The following ZDHHC15 variants were observed in gnomAD, a reference collection of about 807,000 sequenced individuals.
ZDHHC15 encodes palmitoyltransferase ZDHHC15.
ZDHHC15 carries 19 observed loss-of-function variants against 31.7 expected under a neutral mutation model. The observed-to-expected ratio is 0.60, with a 90% CI of 0.42 to 0.88. The LOEUF (loss-of-function observed/expected upper bound fraction) is 0.88, where lower values mean the gene tolerates loss of function less well. Among genes scored for constraint, ZDHHC15 ranks in the 40% least tolerant of loss-of-function variants. The pLI is 0.00. For missense variants in ZDHHC15, 209 were observed against 251.2 expected, an observed-to-expected ratio of 0.83 and a Z score of 1.14; for synonymous variants, 103 against 90.0, an observed-to-expected ratio of 1.14 and a Z score of -0.82.
chrX:75,485,414 T>C (rs1366401787), intron 2 of ZDHHC15, among the ~76,000 whole-genome samples: 1 of 111,315 alleles, frequency 9.0e-6, no homozygotes, highest in African/African-American at 3.3e-5. Context: ...GAAAGCTGTG[T>C]TGATAGGTAC....
At chrX:75,453,593 A>C (rs1369332981) in intron 3 of ZDHHC15, among the ~76,000 whole-genome samples, 1 of 111,546 alleles carries the variant, frequency 9.0e-6, no homozygotes, top group Non-Finnish European at 1.9e-5. Flanking sequence ...AAAAAAAGAG[A>C]CTTTTAGACC....
rs762132743 is a variant in ZDHHC15 at position 75,406,898 on chromosome X, AT to A, written c.967+10188del. Among the ~76,000 whole-genome samples the A allele has an allele frequency of 8.0e-5, 9 of 112,300 alleles. No individual in the cohort carries two copies. In the South Asian group the frequency reaches 3.0e-3, roughly 37 times the overall value. On this transcript the variant is annotated intron_variant, in intron 10 of 11. Coordinates refer to ENST00000373367, the MANE Select transcript of ZDHHC15 (RefSeq NM_144969.3). ...CAGTGAAAAAAGAAAACTCAGGCCA[AT>A]ATCACGGATGAACACAAAATGTTAA...
chrX:75,379,029 G>T (rs2083088116), intron 11 of ZDHHC15, 91 bp downstream of exon 11: 7 of 681,268 alleles, frequency 1.0e-5, no homozygotes, highest in Non-Finnish European at 1.6e-5. Flanking sequence ...TTTCACCCAG[G>T]ATAAGAACTT....
intron 2 of ZDHHC15, among the ~76,000 whole-genome samples, chrX:75,489,141 C>T (rs753310560): frequency 3.6e-5 from 4 of 112,134 alleles, no homozygotes; most frequent in Admixed American, 2.8e-4. Flanking sequence ...GGCCTGCCTG[C>T]CTCTGTAGAC....
rs748565213 is a variant in ZDHHC15, at chrX:75,371,897, AAAG to A, written c.*1078_*1080del. On this transcript the variant is annotated 3_prime_UTR_variant, in exon 12 of 12. Transcript: ENST00000373367. ...GGCTTAGCTACTACTGAAGCTAAAA[AAAG>A]AAGAAAGAACTGGCATATTACTATT... 1.8e-5 allele frequency: 2 copies of A among 112,006 alleles called. No homozygotes were observed. Among genetic ancestry groups the A allele is most frequent in the African/African-American group, 6.5e-5 (2 of 30,851 alleles). The allele number at this position is 112,006 out of a possible 1,213,427, so 9.2% of individuals were successfully genotyped here.
At chrX:75,475,103 T>G (rs1340206322) in intron 3 of ZDHHC15, among the ~76,000 whole-genome samples, 1 of 112,163 alleles carries the variant, frequency 8.9e-6, no homozygotes, top group African/African-American at 3.2e-5. Flanking sequence ...AAAAGTTTTT[T>G]GTTTAGCTGT....
chrX:75,468,571 T>G (rs1473641327), intron 3 of ZDHHC15, among the ~76,000 whole-genome samples: 2 of 111,816 alleles, frequency 1.8e-5, no homozygotes, highest in Non-Finnish European at 3.8e-5. Context: ...TCAATTATTT[T>G]GGGTATGTAT....
intron 2 of ZDHHC15, among the ~76,000 whole-genome samples, chrX:75,492,837 A>G (rs750549983): frequency 8.9e-6 from 1 of 111,747 alleles, no homozygotes; most frequent in African/African-American, 3.3e-5. Context: ...CAGGAAAGAT[A>G]TAAAATTGAC....
At chrX:75,377,619 C>A (rs1372826546) in intron 11 of ZDHHC15, among the ~76,000 whole-genome samples, 1 of 110,750 alleles carries the variant, frequency 9.0e-6, no homozygotes, top group East Asian at 2.8e-4. Context: ...GGCAATTTTG[C>A]TTATCTAGGG....
intron 4 of ZDHHC15, among the ~76,000 whole-genome samples, chrX:75,436,360 C>A (rs758798255): frequency 3.6e-5 from 4 of 111,004 alleles, no homozygotes; most frequent in Admixed American, 9.6e-5. Context: ...TTTGTTATTT[C>A]TTTTCTTCTG....
intron 4 of ZDHHC15, among the ~76,000 whole-genome samples, chrX:75,438,454 C>G (rs2083893214): frequency 4.1e-5 from 1 of 24,640 alleles, no homozygotes. Flanking sequence ...GCTTTAAAGT[C>G]TGTTTTTTTT....
rs972817842 is a variant in ZDHHC15, at chrX:75,476,096, T to C, written c.258+2795A>G. ...CTGCAACTTTGCTGAATTCATTTAT[T>C]ATTTATAATAGGGTTTTACATGTGG... On this transcript the variant is annotated intron_variant, in intron 3 of 11. Transcript: ENST00000373367. Among the ~76,000 whole-genome samples the C allele has an allele frequency of 2.7e-5, 3 of 111,704 alleles. No individual in the cohort carries two copies. In the Admixed American group the frequency reaches 2.9e-4, roughly 11 times the overall value.
chrX:75,517,416 G>C (rs1276848380), intron 1 of ZDHHC15, among the ~76,000 whole-genome samples: 1 of 109,817 alleles, frequency 9.1e-6, no homozygotes, highest in East Asian at 2.9e-4. Flanking sequence ...CATAAAAAAG[G>C]ATGAGTTCAT....
At chrX:75,438,095 G>A (rs2147878188) in intron 4 of ZDHHC15, among the ~76,000 whole-genome samples, 1 of 111,992 alleles carries the variant, frequency 8.9e-6, no homozygotes, top group South Asian at 3.8e-4. Flanking sequence ...TCTCACACCT[G>A]TTAGAATGGC....
At chrX:75,441,609 C>T (rs940760611) in intron 4 of ZDHHC15, among the ~76,000 whole-genome samples, 5 of 105,703 alleles carry the variant, frequency 4.7e-5, no homozygotes, top group African/African-American at 1.7e-4. Context: ...CTGGTATGTT[C>T]CTGTGGTAGT....
intron 10 of ZDHHC15, among the ~76,000 whole-genome samples, chrX:75,414,210 G>A (rs756091450): frequency 7.2e-5 from 8 of 110,724 alleles, no homozygotes; most frequent in South Asian, 7.6e-4. Context: ...GTATTTATGC[G>A]TTTTCTATAT....
chrX:75,429,878 C>T lies in ZDHHC15; in HGVS notation c.482+70G>A, dbSNP rs112941988. ...CAGAAACAGGCATGTGACAACTATG[C>T]TTAGAAAAGTGCATATAATTGAGCA... On this transcript the variant is annotated intron_variant, in intron 6 of 11. Transcript: ENST00000373367. 5.6e-6 allele frequency: 6 copies of T among 1,068,346 alleles called. No homozygotes were observed. The African/African-American group carries it at 1.1e-4, about 20-fold the overall frequency. 88.0% of individuals were successfully genotyped at this position (1,068,346 alleles called of 1,213,427 possible).
intron 3 of ZDHHC15, 65 bp downstream of exon 3, chrX:75,478,826 C>G: frequency 1.1e-6 from 1 of 876,505 alleles, no homozygotes; most frequent in East Asian, 3.2e-5. Context: ...TTGTCCTCTT[C>G]TTGCTTTATT....
chrX:75,378,103 G>T (rs1047905153), intron 11 of ZDHHC15, among the ~76,000 whole-genome samples: 1 of 111,814 alleles, frequency 8.9e-6, no homozygotes, highest in Non-Finnish European at 1.9e-5. Context: ...AATAAATAAA[G>T]ACACATCACA....
Sources: gnomAD v4.1 joint callset for allele counts (sites outside exome capture counted in the v4.1 genomes callset) on GRCh38, gnomAD v4.1.1 for gene constraint, MANE v1.5 for transcripts, NCBI Gene and HGNC (gene_info 2026-07-23, HGNC 2026-07-21) for gene names.